MBOAT7: variants seen among roughly 807,000 people sequenced by gnomAD.
MBOAT7 encodes the protein membrane bound acylglycerophosphatidylinositol O-acyltransferase MBOAT7, also known as membrane-bound acylglycerophosphatidylinositol O-acyltransferase MBOAT7.
A neutral mutation model predicts 47.4 loss-of-function variants in MBOAT7; 40 were observed. The ratio of observed to expected loss-of-function variants is 0.84; its 90% confidence interval spans 0.66 to 1.10. MBOAT7 has a LOEUF of 1.10. Ranked by LOEUF, MBOAT7 falls within the 50% of genes least tolerant of loss-of-function variation. The probability of loss-of-function intolerance (pLI) is 0.00; values close to 1 mark genes in which losing one functional copy is unlikely to be tolerated. For synonymous variants in MBOAT7, 361 were observed against 292.0 expected (o/e 1.24, Z -2.41); for missense variants, 680 against 655.6 (o/e 1.04, Z -0.41).
chr19:54,183,749 C>G, intron 4 of MBOAT7, 69 bp from the exon 5 acceptor site: 3 of 1,431,606 alleles, frequency 2.1e-6, no homozygotes, highest in Non-Finnish European at 2.8e-6. Context: ...ATCTCCCTTG[C>G]GCGGCTGCCC....
Position 54,178,918 on chromosome 19 carries a change from T to C in MBOAT7, c.878A>G (p.Glu293Gly). 6.2e-7 allele frequency: 1 copy of C among 1,613,114 alleles called. No individual in the cohort carries two copies. The highest frequency in any genetic ancestry group is 1.1e-5 in the South Asian group (1 of 91,074). Residue 293 changes from glutamate to glycine, a missense_variant, in exon 7 of 8, where the codon GAG becomes GGG. Physicochemically the swap from Glu to Gly is moderately conservative, Grantham distance 98. Coordinates refer to ENST00000245615, the MANE Select transcript of MBOAT7 (RefSeq NM_024298.5). Reference protein sequence around the residue: ...PSSPEKAASLEYDYETIRNID... With the variant: ...PSSPEKAASLGYDYETIRNID... Reference sequence around the variant, plus strand: ...GTTGCGGATGGTCTCATAGTCATACTCCAAGGAAGCCGCCTTCTCCGGACT... The same window carrying C: ...GTTGCGGATGGTCTCATAGTCATACCCCAAGGAAGCCGCCTTCTCCGGACT...
chr19:54,188,110 C>A, intron 3 of MBOAT7, 107 bp downstream of exon 3: 1 of 1,093,232 alleles, frequency 9.1e-7, no homozygotes, highest in Non-Finnish European at 1.3e-6. Flanking sequence ...AGCTGATCAA[C>A]AAGAGACAGC....
Position 54,174,266 on chromosome 19 carries a change from G to A in MBOAT7, c.1197C>T (p.His399=). The A allele has an allele frequency of 6.2e-7, 1 of 1,611,756 alleles. No homozygotes were observed. Among genetic ancestry groups the A allele is most frequent in the Non-Finnish European group, 8.5e-7 (1 of 1,178,732 alleles). Residue 399 remains histidine, a synonymous_variant, in exon 8 of 8, where the codon CAC becomes CAT. Coordinates refer to ENST00000245615, the MANE Select transcript of MBOAT7 (RefSeq NM_024298.5). ...CATAGGCGCGCATCTTCAGGAACCAGTGCACCCAGTCCCAGGCCTTCTGGC... is the reference window on the plus strand; with the variant it reads ...CATAGGCGCGCATCTTCAGGAACCAATGCACCCAGTCCCAGGCCTTCTGGC... ...PGGQKAWDWV[H]WFLKMRAYDY... is the part of the protein sequence containing the mutation.
In MBOAT7 at chr19:54,174,470, G is replaced by T. The variant is rs568299891; in HGVS notation, c.1032-39C>A. 2.0e-6 allele frequency: 3 copies of T among 1,482,242 alleles called. No individual in the cohort carries two copies. In the South Asian group the frequency reaches 4.1e-5, roughly 20 times the overall value. 91.8% of individuals were successfully genotyped at this position (1,482,242 alleles called of 1,614,324 possible). On this transcript the variant is annotated intron_variant, in intron 7 of 7. Coordinates refer to ENST00000245615, the MANE Select transcript of MBOAT7 (RefSeq NM_024298.5). ...TGGGAGTCAGGACCTACGAGTCCAG[G>T]TCCCCAGTGCCCACTGCCCCCAGAT...
chr19:54,183,984 T>C (rs541714106), intron 4 of MBOAT7, among the ~76,000 whole-genome samples: 44 of 152,238 alleles, frequency 2.9e-4, no homozygotes, highest in African/African-American at 1.0e-3. Context: ...AAGTGGCTTA[T>C]TGGCATTTAT....
At chr19:54,185,622 ATC>A (rs1241339184) in intron 4 of MBOAT7, among the ~76,000 whole-genome samples, 1 of 152,154 alleles carries the variant, frequency 6.6e-6, no homozygotes, top group African/African-American at 2.4e-5. Flanking sequence ...GGATCCCTTT[ATC>A]TGAGTCCATC....
In MBOAT7 at chr19:54,178,603, C is replaced by A. The variant is rs187041252; in HGVS notation, c.1031+162G>T. 2.1e-6 allele frequency: 3 copies of A among 1,430,748 alleles called. No homozygotes were observed. The East Asian group carries it at 7.6e-5, about 36-fold the overall frequency. The allele number at this position is 1,430,748 out of a possible 1,614,324, so 88.6% of individuals were successfully genotyped here. On this transcript the variant is annotated intron_variant, in intron 7 of 7. Transcript: ENST00000245615. ...GGGGGAACGATTTTACACCGGCATG[C>A]TGCCACTATAATTAGAGGCAGGGCA...
At chr19:54,179,000 G>A (rs771404893) in intron 6 of MBOAT7, 59 bp from the exon 7 acceptor site, 222 of 1,581,930 alleles carry the variant, frequency 1.4e-4, no homozygotes, top group Non-Finnish European at 1.8e-4. Flanking sequence ...GCCCCCTCCC[G>A]ACGCCTGCTA....
chr19:54,186,690 A>C (rs566908499), intron 4 of MBOAT7, among the ~76,000 whole-genome samples: 1 of 152,296 alleles, frequency 6.6e-6, no homozygotes, highest in East Asian at 1.9e-4. Context: ...ATAAGCCGCC[A>C]GTAGGAAACC....
At position 54,180,006 on chromosome 19, in the gene MBOAT7, C is replaced by G. The variant is rs778006839; in HGVS notation, c.854+767G>C. 6.6e-6 allele frequency: 1 copy of G among 152,184 alleles called. No homozygotes were observed. Among genetic ancestry groups the G allele is most frequent in the Non-Finnish European group, 1.5e-5 (1 of 68,070 alleles). 9.4% of individuals were successfully genotyped at this position (152,184 alleles called of 1,614,324 possible). ...CCACAAGAGAGTCCACAGCTATGGC[C>G]GTGCGACTTGCCTAGCAATGCAGGT... On this transcript the variant is annotated intron_variant, in intron 6 of 7. Transcript: ENST00000245615. The surrounding 1 kb of genome is among the most constrained non-coding windows in gnomAD (Gnocchi z 5.2).
intron 6 of MBOAT7, 99 bp from the exon 7 acceptor site, chr19:54,179,040 A>G: frequency 6.7e-7 from 1 of 1,490,852 alleles, no homozygotes; most frequent in Non-Finnish European, 9.0e-7. Flanking sequence ...TAAGGAAGGG[A>G]TCCTGGCCAG....
At chr19:54,178,585 C>G in intron 7 of MBOAT7, 180 bp downstream of exon 7, 4 of 1,426,726 alleles carry the variant, frequency 2.8e-6, no homozygotes, top group Non-Finnish European at 3.7e-6. Context: ...AGAGGGGGAA[C>G]GATTTTACAC....
In MBOAT7 at chr19:54,173,733, A is replaced by G. The variant is rs909347206; in HGVS notation, c.*311T>C. 2.0e-5 allele frequency: 7 copies of G among 358,706 alleles called. No individual in the cohort carries two copies. The highest frequency in any genetic ancestry group is 3.0e-5 in the Non-Finnish European group (6 of 199,250). 22.2% of individuals were successfully genotyped at this position (358,706 alleles called of 1,614,324 possible). On this transcript the variant is annotated 3_prime_UTR_variant, in exon 8 of 8. Coordinates refer to ENST00000245615, the MANE Select transcript of MBOAT7 (RefSeq NM_024298.5). Reference sequence around the variant, plus strand: ...GGATGCAAAGAAAGGGAATTTGCCCAAAACCCACTGCCCAGGGGCCCCTTC... The same window carrying G: ...GGATGCAAAGAAAGGGAATTTGCCCGAAACCCACTGCCCAGGGGCCCCTTC...
At chr19:54,175,368 T>C (rs896129473) in intron 7 of MBOAT7, among the ~76,000 whole-genome samples, 1 of 152,114 alleles carries the variant, frequency 6.6e-6, no homozygotes, top group Non-Finnish European at 1.5e-5. Context: ...CCCACCCCTT[T>C]TGCACCAGAA....
Position 54,189,400 on chromosome 19 carries a change from G to A in MBOAT7, c.-66C>T. On this transcript the variant is annotated 5_prime_UTR_variant, in exon 1 of 8. Transcript: ENST00000245615. Reference sequence around the variant, plus strand: ...CCAGCCCGCTTGCCGCCGCAGCTCCGGCCACGCCTCCCCCGCCCAGCGCGC... The same window carrying A: ...CCAGCCCGCTTGCCGCCGCAGCTCCAGCCACGCCTCCCCCGCCCAGCGCGC... 6.5e-6 allele frequency: 1 copy of A among 152,996 alleles called. No individual in the cohort carries two copies. Among genetic ancestry groups the A allele is most frequent in the East Asian group, 1.9e-4 (1 of 5,200 alleles). The allele number at this position is 152,996 out of a possible 1,614,324, so 9.5% of individuals were successfully genotyped here. A position where few individuals can be genotyped will look rare whatever the true frequency, so the allele number is the denominator to read the frequency against.
intron 5 of MBOAT7, among the ~76,000 whole-genome samples, chr19:54,181,743 G>A (rs989245353): frequency 7.6e-5 from 3 of 39,450 alleles, no homozygotes; most frequent in African/African-American, 3.9e-4. Context: ...AGGAGGGAGG[G>A]AGGGAAGGAG....
intron 4 of MBOAT7, 137 bp downstream of exon 4, chr19:54,187,024 G>T: frequency 9.3e-7 from 1 of 1,075,752 alleles, no homozygotes; most frequent in Non-Finnish European, 1.3e-6. Flanking sequence ...TGTGCCCAGG[G>T]CAGCAAGTGA....
chr19:54,184,199 T>C (rs796578408), intron 4 of MBOAT7, among the ~76,000 whole-genome samples: 28 of 61,124 alleles, frequency 4.6e-4, no homozygotes, highest in African/African-American at 1.7e-3. Flanking sequence ...AGTTTTGCTC[T>C]GTCACCAGGC....
At position 54,174,307 on chromosome 19, in the gene MBOAT7, G is replaced by GC. The variant is rs2076011999; in HGVS notation, c.1155dup (p.Arg386AlafsTer23). The GC allele has an allele frequency of 6.2e-7, 1 of 1,612,912 alleles. No homozygotes were observed. The highest frequency in any genetic ancestry group is 1.7e-5 in the Admixed American group (1 of 59,876). On this transcript the variant is annotated frameshift_variant, in exon 8 of 8. Coordinates refer to ENST00000245615, the MANE Select transcript of MBOAT7 (RefSeq NM_024298.5). LOFTEE classifies it high-confidence loss of function. ...GCCTTCTGGCCCCCTGGGCTCAGCCGCCCCCGCAGGGCTGACTCCAGCCGG... is the reference window on the plus strand; with the variant it reads ...GCCTTCTGGCCCCCTGGGCTCAGCCGCCCCCCGCAGGGCTGACTCCAGCCGG...
Sources: allele counts gnomAD v4.1 joint callset (sites outside exome capture counted in the v4.1 genomes callset), GRCh38; gene constraint gnomAD v4.1.1; non-coding constraint Gnocchi (gnomAD v3.1); transcripts MANE v1.5; gene names NCBI Gene and HGNC (gene_info 2026-07-23, HGNC 2026-07-21).